GRHL2: variants seen among roughly 807,000 people sequenced by gnomAD.
GRHL2 encodes grainyhead-like protein 2 homolog.
Under a neutral mutation model 83.8 loss-of-function variants are expected in GRHL2, and 21 were observed. That is an observed-to-expected ratio of 0.25 (90% CI 0.18 to 0.36). The LOEUF (loss-of-function observed/expected upper bound fraction) is 0.36, where lower values mean the gene tolerates loss of function less well. GRHL2 is among the 10% of genes least tolerant of loss of function. The pLI is 1.00. For synonymous variants in GRHL2, 280 were observed against 278.9 expected, an observed-to-expected ratio of 1.00 and a Z score of -0.04; for missense variants, 623 against 781.8, an observed-to-expected ratio of 0.80 and a Z score of 2.42.
intron 1 of GRHL2, among the ~76,000 whole-genome samples, chr8:101,517,910 A>G (rs1471178599): frequency 6.6e-6 from 1 of 152,170 alleles, no homozygotes; most frequent in East Asian, 1.9e-4. Context: ...TGCAGCAGTG[A>G]CACCAGATAG....
intron 7 of GRHL2, among the ~76,000 whole-genome samples, chr8:101,593,383 A>G (rs989930106): frequency 8.5e-5 from 13 of 152,216 alleles, no homozygotes; most frequent in African/African-American, 2.9e-4. Flanking sequence ...ACAAACTAGT[A>G]TTTAAAATAT....
intron 7 of GRHL2, 55 bp from the exon 8 acceptor site, chr8:101,599,002 T>C: frequency 8.4e-7 from 1 of 1,191,984 alleles, no homozygotes; most frequent in South Asian, 1.2e-5. Context: ...GTTCAGTACA[T>C]GTCACTGAGT....
intron 7 of GRHL2, among the ~76,000 whole-genome samples, chr8:101,592,787 T>TCC (rs758217013): frequency 5.3e-5 from 8 of 152,204 alleles, no homozygotes; most frequent in African/African-American, 1.9e-4. Flanking sequence ...TTCCATGTGT[T>TCC]CCCATACACT....
chr8:101,565,614 C>T (rs1343918325), intron 4 of GRHL2, among the ~76,000 whole-genome samples: 1 of 152,140 alleles, frequency 6.6e-6, no homozygotes, highest in Non-Finnish European at 1.5e-5. Context: ...GGCATACTGA[C>T]TTGTAAAGTC....
chr8:101,675,220 A>G, the GRHL2 span, among the ~76,000 whole-genome samples: 1 of 152,198 alleles, frequency 6.6e-6, no homozygotes, highest in Admixed American at 6.5e-5. Context: ...GCAATTAGGC[A>G]GAAGAAGGAA....
At chr8:101,520,221 A>G (rs915983645) in intron 1 of GRHL2, among the ~76,000 whole-genome samples, 1 of 152,214 alleles carries the variant, frequency 6.6e-6, no homozygotes, top group Admixed American at 6.5e-5. Flanking sequence ...CATTTCTACC[A>G]TAGAGTATCT....
chr8:101,612,416 A>T (rs745746589), intron 8 of GRHL2, among the ~76,000 whole-genome samples: 1 of 150,690 alleles, frequency 6.6e-6, no homozygotes, highest in Admixed American at 6.6e-5. Flanking sequence ...CCTGCCATAG[A>T]TAGACTTCTG....
At chr8:101,644,456 C>G (rs113837331) in intron 13 of GRHL2, among the ~76,000 whole-genome samples, 1 of 152,162 alleles carries the variant, frequency 6.6e-6, no homozygotes, top group Non-Finnish European at 1.5e-5. Context: ...CTTGGGAGAA[C>G]GTAATGAATA....
chr8:101,636,839 A>G, intron 11 of GRHL2, 58 bp from the exon 12 acceptor site: 1 of 1,488,232 alleles, frequency 6.7e-7, no homozygotes, highest in Non-Finnish European at 9.4e-7. Context: ...TACATCACGT[A>G]ATATTTTTTC....
chr8:101,509,604 T>C (rs558425904), intron 1 of GRHL2, among the ~76,000 whole-genome samples: 40 of 152,176 alleles, frequency 2.6e-4, no homozygotes, highest in Non-Finnish European at 4.7e-4. Context: ...TGAGGCTATT[T>C]TCTTCAATTT....
At chr8:101,674,007 A>G, downstream of GRHL2, among the ~76,000 whole-genome samples, 1 of 152,174 alleles carries the variant, frequency 6.6e-6, no homozygotes, top group Non-Finnish European at 1.5e-5. Flanking sequence ...CTTTGAAACC[A>G]ACGAGAACAA....
At chr8:101,629,738 T>C (rs989663758) in intron 9 of GRHL2, among the ~76,000 whole-genome samples, 1 of 152,130 alleles carries the variant, frequency 6.6e-6, no homozygotes, top group African/African-American at 2.4e-5. Context: ...GAAAAAAATA[T>C]TTCCTATCAC....
intron 7 of GRHL2, among the ~76,000 whole-genome samples, chr8:101,579,802 C>T (rs559121470): frequency 2.5e-4 from 38 of 152,248 alleles, no homozygotes; most frequent in African/African-American, 8.9e-4. Context: ...TGCTTTAACT[C>T]TGGAGTGTGA....
chr8:101,518,365 T>C (rs1810614296), intron 1 of GRHL2, among the ~76,000 whole-genome samples: 1 of 152,112 alleles, frequency 6.6e-6, no homozygotes, highest in South Asian at 2.1e-4. Context: ...TGAGCTGTGA[T>C]TGTGCCACTG....
At chr8:101,495,035 A>T (rs1810067289) in intron 1 of GRHL2, among the ~76,000 whole-genome samples, 1 of 152,210 alleles carries the variant, frequency 6.6e-6, no homozygotes, top group Non-Finnish European at 1.5e-5. Context: ...ATTTTTGCGA[A>T]TTCTAGCCTC....
chr8:101,551,960 T>G (rs905082527), intron 2 of GRHL2, among the ~76,000 whole-genome samples: 2 of 151,252 alleles, frequency 1.3e-5, no homozygotes, highest in Admixed American at 1.3e-4. Flanking sequence ...CTCAGCCTCC[T>G]GAGTAGCTGG....
chr8:101,621,863 G>A (rs1812972595), intron 9 of GRHL2, among the ~76,000 whole-genome samples: 3 of 151,696 alleles, frequency 2.0e-5, no homozygotes, highest in Admixed American at 1.3e-4. Context: ...CAGCCTGGGT[G>A]ACACAGCAAG....
intron 1 of GRHL2, among the ~76,000 whole-genome samples, chr8:101,538,764 T>C (rs1811094143): frequency 6.6e-6 from 1 of 152,218 alleles, no homozygotes. Flanking sequence ...GAGAGATTAT[T>C]CTGTTTTTAT....
In GRHL2 at chr8:101,534,072, G is replaced by C. The variant is rs186982258; in HGVS notation, c.21-9169G>C. Among the ~76,000 whole-genome samples the C allele has an allele frequency of 3.9e-5, 6 of 152,192 alleles. No individual in the cohort carries two copies. In the East Asian group the frequency reaches 9.6e-4, roughly 24 times the overall value. Reference sequence around the variant, plus strand: ...GAGAATAGACTGGAAAGGAGGGAGCGGGTAATCATAAAAGCAGGGAAACCT... The same window carrying C: ...GAGAATAGACTGGAAAGGAGGGAGCCGGTAATCATAAAAGCAGGGAAACCT... On this transcript the variant is annotated intron_variant, in intron 1 of 15. Coordinates refer to ENST00000646743, the MANE Select transcript of GRHL2 (RefSeq NM_024915.4).
Sources: gnomAD v4.1 joint callset for allele counts (sites outside exome capture counted in the v4.1 genomes callset) on GRCh38, gnomAD v4.1.1 for gene constraint, MANE v1.5 for transcripts, NCBI Gene and HGNC (gene_info 2026-07-23, HGNC 2026-07-21) for gene names.